Variants in SNTG2 observed in about 807,000 individuals in gnomAD.
The protein encoded by SNTG2 is gamma-2-syntrophin.
SNTG2 carries 74 observed loss-of-function variants against 70.9 expected under a neutral mutation model. That is an observed-to-expected ratio of 1.04 (90% CI 0.86 to 1.27). The LOEUF is 1.27. SNTG2 is among the 50% of genes most tolerant of loss of function. The pLI, the probability that SNTG2 is intolerant of heterozygous loss-of-function variation, is 0.00. For synonymous variants in SNTG2, 278 were observed against 273.8 expected (o/e 1.02, Z -0.15); for missense variants, 717 against 690.7 (o/e 1.04, Z -0.43).
intron 1 of SNTG2, among the ~76,000 whole-genome samples, chr2:969,461 C>T (rs780645466): frequency 1.3e-5 from 2 of 152,038 alleles, no homozygotes; most frequent in Non-Finnish European, 2.9e-5. Context: ...TTGGACAGTA[C>T]ATTTTAACAC....
intron 16 of SNTG2, among the ~76,000 whole-genome samples, chr2:1,342,350 G>C (rs1418872847): frequency 9.8e-6 from 1 of 102,014 alleles, no homozygotes; most frequent in African/African-American, 4.3e-5. Flanking sequence ...AGGAAGAGTG[G>C]ACTGGCACTT....
At chr2:1,180,957 C>T (rs1187386175) in intron 8 of SNTG2, among the ~76,000 whole-genome samples, 2 of 152,072 alleles carry the variant, frequency 1.3e-5, no homozygotes, top group African/African-American at 2.4e-5. Flanking sequence ...TCTCAGCAAA[C>T]CATCGCAAGG....
At chr2:1,152,203 G>T (rs1450262692) in intron 6 of SNTG2, among the ~76,000 whole-genome samples, 2 of 152,216 alleles carry the variant, frequency 1.3e-5, no homozygotes, top group Non-Finnish European at 1.5e-5. Flanking sequence ...GTGTGAAGAT[G>T]TAGGGTAGAG....
At chr2:996,673 GTTTTTTTTTTTTTTTTTTTT>G in intron 1 of SNTG2, among the ~76,000 whole-genome samples, 12 of 35,114 alleles carry the variant, frequency 3.4e-4, no homozygotes, top group Non-Finnish European at 5.4e-4. Flanking sequence ...GAGTTACCCA[GTTTTTTTTTTTTTTTTTTTT>G]TTTTTTTTTT....
chr2:1,128,473 A>G (rs1183571585), intron 4 of SNTG2, among the ~76,000 whole-genome samples: 2 of 152,148 alleles, frequency 1.3e-5, no homozygotes, highest in Non-Finnish European at 2.9e-5. Context: ...TTTGCAACAT[A>G]ATGAATATCT....
chr2:1,353,941 G>A lies in SNTG2; in HGVS notation c.1489-13402G>A, dbSNP rs1251717956. On this transcript the variant is annotated intron_variant, in intron 16 of 16. Coordinates refer to ENST00000308624, the MANE Select transcript of SNTG2 (RefSeq NM_018968.4). This position sits in a 1 kb window ranked among gnomAD's most constrained non-coding sequence, Gnocchi z 4.2. ...GGGCATGCCTGCGCGTAAAGAGTGG[G>A]AAAGAAAAAACGTTTTCTCCGGTGA... 1 of 152,096 alleles carries A rather than the reference G, an allele frequency of 6.6e-6. No homozygotes were observed. The highest frequency in any genetic ancestry group is 1.5e-5 in the Non-Finnish European group (1 of 68,020). The allele number at this position is 152,096 out of a possible 1,614,324, so 9.4% of individuals were successfully genotyped here.
At chr2:1,320,923 A>G (rs547087973) in intron 16 of SNTG2, among the ~76,000 whole-genome samples, 2 of 152,122 alleles carry the variant, frequency 1.3e-5, no homozygotes, top group South Asian at 4.2e-4. Context: ...TTATAATTCC[A>G]TTTTTGCCTC....
chr2:1,239,394 G>A (rs74603304), intron 10 of SNTG2, among the ~76,000 whole-genome samples: 1 of 152,158 alleles, frequency 6.6e-6, no homozygotes, highest in Non-Finnish European at 1.5e-5. Flanking sequence ...TGTGATCACC[G>A]TAATTACCAT....
chr2:1,288,748 C>T (rs372267205), intron 14 of SNTG2, among the ~76,000 whole-genome samples: 15 of 152,292 alleles, frequency 9.8e-5, no homozygotes, highest in African/African-American at 3.6e-4. Context: ...ACATGACACA[C>T]CTCACACACA....
At chr2:1,250,391 CTCTCTG>C (rs1446845399) in intron 12 of SNTG2, among the ~76,000 whole-genome samples, 2 of 152,090 alleles carry the variant, frequency 1.3e-5, no homozygotes, top group Non-Finnish European at 2.9e-5. Context: ...GTCTCTGTCT[CTCTCTG>C]TCTCTATTTA....
chr2:1,015,396 A>T (rs987649355), intron 1 of SNTG2, among the ~76,000 whole-genome samples: 1 of 152,254 alleles, frequency 6.6e-6, no homozygotes, highest in South Asian at 2.1e-4. Context: ...AAAACACACC[A>T]TAAACCAAGT....
chr2:963,805 A>ACTAAGTAT (rs1660437657), intron 1 of SNTG2, among the ~76,000 whole-genome samples: 1 of 152,158 alleles, frequency 6.6e-6, no homozygotes, highest in African/African-American at 2.4e-5. Context: ...ACACATCTCC[A>ACTAAGTAT]CTCGGTACTA....
chr2:1,284,878 TAGTC>T (rs1389945197), intron 14 of SNTG2, among the ~76,000 whole-genome samples: 50 of 146,790 alleles, frequency 3.4e-4, no homozygotes, highest in African/African-American at 9.9e-4. Context: ...CTTACTGTAT[TAGTC>T]AGGGTTCTCT....
At chr2:1,298,934 C>T (rs1300902047) in intron 14 of SNTG2, among the ~76,000 whole-genome samples, 1 of 152,182 alleles carries the variant, frequency 6.6e-6, no homozygotes, top group Non-Finnish European at 1.5e-5. Context: ...GTGCTTCCTG[C>T]CCTTGAACAT....
chr2:1,289,072 C>T (rs563258469), intron 14 of SNTG2, among the ~76,000 whole-genome samples: 5 of 152,034 alleles, frequency 3.3e-5, no homozygotes, highest in East Asian at 2.0e-4. Flanking sequence ...CTGTCCTCTG[C>T]TCTCTGCCAT....
At chr2:1,181,496 C>T (rs777112724) in intron 8 of SNTG2, among the ~76,000 whole-genome samples, 1 of 152,174 alleles carries the variant, frequency 6.6e-6, no homozygotes, top group Non-Finnish European at 1.5e-5. Flanking sequence ...ATGTTCAGAG[C>T]AACCTTGTAA....
At chr2:1,208,605 G>C (rs1310323695) in intron 8 of SNTG2, among the ~76,000 whole-genome samples, 1 of 152,146 alleles carries the variant, frequency 6.6e-6, no homozygotes, top group African/African-American at 2.4e-5. Context: ...ACCCGACGAG[G>C]CCTCACCACT....
At chr2:1,262,925 G>C (rs1020214315) in intron 13 of SNTG2, 1 of 152,238 alleles carries the variant, frequency 6.6e-6, no homozygotes, top group Non-Finnish European at 1.5e-5. Flanking sequence ...GTTTCCAGTC[G>C]TATCAACACA....
intron 6 of SNTG2, chr2:1,163,458 G>GGTGGGTGTGTGAGGCCTCCCAACAGGAA (rs1670476377): frequency 3.0e-5 from 4 of 134,812 alleles, no homozygotes; most frequent in African/African-American, 1.1e-4. Flanking sequence ...CCCAACAGGA[G>GGTGGGTGTGTGAGGCCTCCCAACAGGAA]GTGGGTGTGT....
Sources: gnomAD v4.1 joint callset for allele counts (sites outside exome capture counted in the v4.1 genomes callset) on GRCh38, gnomAD v4.1.1 for gene constraint, Gnocchi (gnomAD v3.1) non-coding constraint, MANE v1.5 for transcripts, NCBI Gene and HGNC (gene_info 2026-07-23, HGNC 2026-07-21) for gene names.